TRPM1: variants seen among roughly 807,000 people sequenced by gnomAD.
TRPM1 encodes TRPM1-203 APA Isoform, Intron 10.
TRPM1 carries 113 observed loss-of-function variants against 149.4 expected under a neutral mutation model. The ratio of observed to expected loss-of-function variants is 0.76; its 90% CI spans 0.65 to 0.88. The LOEUF is 0.88. TRPM1 is among the 40% of genes least tolerant of loss of function. TRPM1 has a pLI of 0.00. For missense variants in TRPM1, 1,976 were observed against 2,038.7 expected (o/e 0.97, Z 0.59); for synonymous variants, 741 against 759.5 (o/e 0.98, Z 0.40).
intron 1 of TRPM1, among the ~76,000 whole-genome samples, chr15:31,139,910 C>G (rs1191807978): frequency 6.6e-6 from 1 of 152,144 alleles, no homozygotes; most frequent in Non-Finnish European, 1.5e-5. Flanking sequence ...AAATCTTTTT[C>G]AGTAACTTAA....
chr15:31,093,091 T>A (rs1448698060), intron 1 of TRPM1, among the ~76,000 whole-genome samples: 1 of 151,820 alleles, frequency 6.6e-6, no homozygotes, highest in Non-Finnish European at 1.5e-5. Context: ...TGAAACCCTG[T>A]CTTTACTAAA....
In TRPM1 at chr15:31,040,763, T is replaced by G. The variant is rs71399738; in HGVS notation, c.2088-417A>C. The stretch of plus-strand genomic sequence containing the variant: ...GTAGCGGGGCTGCTGGTGGTGGTGG[T>G]GGCGGGAGGTGGACACTGAAAGGAG... On this transcript the variant is annotated intron_variant, in intron 17 of 27. Coordinates refer to ENST00000256552, the MANE Select transcript of TRPM1 (RefSeq NM_001252024.2). This position sits in a 1 kb window ranked among gnomAD's most constrained non-coding sequence, Gnocchi z 4.2. Among the ~76,000 whole-genome samples the G allele has an allele frequency of 0.073, 11,100 of 152,036 alleles. 572 individuals carry two copies. The highest frequency in any genetic ancestry group is 0.1 in the Non-Finnish European group (7,053 of 67,918).
intron 1 of TRPM1, among the ~76,000 whole-genome samples, chr15:31,082,171 T>C (rs1249245923): frequency 6.6e-6 from 1 of 152,190 alleles, no homozygotes; most frequent in African/African-American, 2.4e-5. Flanking sequence ...TCACAAACCC[T>C]TCATAACCTC....
At chr15:31,150,433 C>CTTTTTT (rs35862690) in intron 1 of TRPM1, among the ~76,000 whole-genome samples, 1 of 110,870 alleles carries the variant, frequency 9.0e-6, no homozygotes. Context: ...TTTTCTTTTC[C>CTTTTTT]TTTTTTTTTT....
intron 1 of TRPM1, among the ~76,000 whole-genome samples, chr15:31,156,930 A>ATTAT (rs1555434402): frequency 1.4e-5 from 2 of 147,538 alleles, no homozygotes; most frequent in African/African-American, 5.0e-5. Context: ...ACTTACATTT[A>ATTAT]TTTTTTTTTT....
At position 31,026,166 on chromosome 15, in the gene TRPM1, T is replaced by C; in HGVS notation, c.3602A>G (p.Asp1201Gly). ...EKEDEQQSSS[D>G]ERIRVTSERV... ...TTCAGAAGTGACCCGGATGCGCTCG[T>C]CGCTGGACGACTGCTGCTCATCCTC... The change falls in exon 27 of 28, where the codon GAC (aspartate) becomes GGC (glycine). Residue 1201 changes from aspartate (D) to glycine (G), a missense_variant. Transcript: ENST00000256552. 1 of 1,612,178 alleles carries C rather than the reference T, an allele frequency of 6.2e-7. No homozygotes were observed. The highest frequency in any genetic ancestry group is 8.5e-7 in the Non-Finnish European group (1 of 1,180,014).
At chr15:31,020,980 C>T (rs948193524) in intron 27 of TRPM1, among the ~76,000 whole-genome samples, 9 of 152,186 alleles carry the variant, frequency 5.9e-5, no homozygotes, top group Middle Eastern at 3.4e-3. Context: ...ACTAATAAAA[C>T]TGATTTTTTT....
intron 1 of TRPM1, among the ~76,000 whole-genome samples, chr15:31,142,622 C>G (rs1265168290): frequency 6.6e-6 from 1 of 152,124 alleles, no homozygotes; most frequent in Non-Finnish European, 1.5e-5. Context: ...AAATGAATGA[C>G]TATTATTTCA....
chr15:31,004,446 T>C (rs1301407152), intron 27 of TRPM1, among the ~76,000 whole-genome samples: 1 of 152,140 alleles, frequency 6.6e-6, no homozygotes, highest in East Asian at 1.9e-4. Context: ...GTTTTTTTTT[T>C]GCTAATGCCA....
intron 1 of TRPM1, among the ~76,000 whole-genome samples, chr15:31,115,318 G>GA (rs967039578): frequency 8.6e-5 from 13 of 151,806 alleles, no homozygotes; most frequent in African/African-American, 2.4e-4. Context: ...TTAAATAAAT[G>GA]AAAAAAAACT....
chr15:31,042,619 G>T (rs1463184653), intron 16 of TRPM1, among the ~76,000 whole-genome samples: 2 of 152,172 alleles, frequency 1.3e-5, no homozygotes, highest in Admixed American at 6.6e-5. Context: ...TTTCCTCAGG[G>T]AGGTCTTCAA....
At chr15:31,126,062 G>A (rs2035947831) in intron 1 of TRPM1, among the ~76,000 whole-genome samples, 2 of 152,100 alleles carry the variant, frequency 1.3e-5, no homozygotes, top group Non-Finnish European at 2.9e-5. Context: ...AACCCGGGAG[G>A]CAGAGATTGC....
chr15:31,086,034 G>GA (rs148887135), intron 1 of TRPM1, among the ~76,000 whole-genome samples: 35,146 of 152,106 alleles, frequency 0.23, 4,369 homozygotes, highest in South Asian at 0.33. Context: ...AAAAGCAAAG[G>GA]AAAACTGGGC....
In TRPM1 at chr15:31,028,328, G is replaced by T. The variant is rs374250670; in HGVS notation, c.3293+4C>A. On this transcript the variant is annotated splice_donor_region_variant and intron_variant, in intron 25 of 27. Coordinates refer to ENST00000256552, the MANE Select transcript of TRPM1 (RefSeq NM_001252024.2). ...AGCATGTGGTCATCGGCTGTGACACGTACTTGAACACAGCAATCAGCAGGT... is the reference window on the plus strand; with the variant it reads ...AGCATGTGGTCATCGGCTGTGACACTTACTTGAACACAGCAATCAGCAGGT... 1.9e-6 allele frequency: 3 copies of T among 1,614,064 alleles called. No individual in the cohort carries two copies. Among genetic ancestry groups the T allele is most frequent in the African/African-American group, 2.7e-5 (2 of 75,016 alleles).
intron 23 of TRPM1, among the ~76,000 whole-genome samples, chr15:31,029,756 C>T (rs2032975429): frequency 6.6e-6 from 1 of 152,110 alleles, no homozygotes. Flanking sequence ...CCAACACAAA[C>T]ACCTCATAAG....
chr15:31,002,684 A>T lies in TRPM1; in HGVS notation c.4016T>A (p.Val1339Asp), dbSNP rs1049527522. 1.9e-6 allele frequency: 3 copies of T among 1,614,048 alleles called. No homozygotes were observed. In the African/African-American group the frequency reaches 4.0e-5, roughly 22 times the overall value. The change falls in exon 28 of 28, where the codon GTC (valine) becomes GAC (aspartate). Residue 1339 changes from valine to aspartate, a missense_variant. Val to Asp is a radical substitution (Grantham distance 152, BLOSUM62 -3). Coordinates refer to ENST00000256552, the MANE Select transcript of TRPM1 (RefSeq NM_001252024.2). ...GTGAAGACTGTTCTGACATTCTGGGACTAGGTGCGTTTTCACGTCCTTCTC... is the reference window on the plus strand; with the variant it reads ...GTGAAGACTGTTCTGACATTCTGGGTCTAGGTGCGTTTTCACGTCCTTCTC... ...KEEKDVKTHL[V>D]PECQNSLHLS...
intron 1 of TRPM1, among the ~76,000 whole-genome samples, chr15:31,147,116 A>C (rs1324312993): frequency 6.6e-6 from 1 of 152,244 alleles, no homozygotes; most frequent in Non-Finnish European, 1.5e-5. Flanking sequence ...TTATGGAATA[A>C]AGTATTGCCT....
chr15:31,049,193 A>T (rs200383082), intron 13 of TRPM1, among the ~76,000 whole-genome samples, 182 bp downstream of exon 13: 2 of 152,144 alleles, frequency 1.3e-5, no homozygotes, highest in African/African-American at 4.8e-5. Flanking sequence ...GCATGGCAGG[A>T]GGTGGTGAGA....
chr15:31,030,866 T>C, intron 23 of TRPM1, 117 bp downstream of exon 23: 1 of 1,175,104 alleles, frequency 8.5e-7, no homozygotes, highest in East Asian at 2.4e-5. Context: ...TTGATGCCTA[T>C]GGTGGAGTGA....
Sources: gnomAD v4.1 joint callset for allele counts (sites outside exome capture counted in the v4.1 genomes callset) on GRCh38, gnomAD v4.1.1 for gene constraint, Gnocchi (gnomAD v3.1) non-coding constraint, MANE v1.5 for transcripts, NCBI Gene and HGNC (gene_info 2026-07-23, HGNC 2026-07-21) for gene names.